The following VANGL2 variants were observed in gnomAD, a reference collection of about 807,000 sequenced individuals.
The protein encoded by VANGL2 is VANGL planar cell polarity protein 2, also known as vang-like protein 2.
VANGL2 carries 14 observed loss-of-function variants against 50.2 expected under a neutral mutation model. The observed-to-expected ratio is 0.28, with a 90% CI of 0.18 to 0.44. The LOEUF is 0.44. Ranked by LOEUF, VANGL2 falls within the 20% of genes least tolerant of loss-of-function variation. The pLI is 1.00. For missense variants in VANGL2, 533 were observed against 701.5 expected, an observed-to-expected ratio of 0.76 and a Z score of 2.71; for synonymous variants, 295 against 297.2, an observed-to-expected ratio of 0.99 and a Z score of 0.08.
At position 160,409,178 on chromosome 1, in the gene VANGL2, A is replaced by T. The variant is rs149252536; in HGVS notation, c.-190-6470A>T. ...TGCAGTTGTGGCTACTCAAGGAACC[A>T]GTGTCCAGAGCAGTCTCATGGAGAA... On this transcript the variant is annotated intron_variant, in intron 1 of 7. Transcript: ENST00000368061. 4.1e-4 allele frequency among the ~76,000 whole-genome samples: 62 copies of T among 152,336 alleles called. No individual in the cohort carries two copies. The East Asian group carries it at 0.012, about 28-fold the overall frequency.
At chr1:160,418,966 C>A in intron 3 of VANGL2, 36 bp from the exon 4 acceptor site, 1 of 1,583,712 alleles carries the variant, frequency 6.3e-7, no homozygotes, top group Non-Finnish European at 8.6e-7. Context: ...TTATCCTTTC[C>A]TCCTTATTGT....
At chr1:160,403,575 C>T (rs1230902745) in intron 1 of VANGL2, among the ~76,000 whole-genome samples, 3 of 152,168 alleles carry the variant, frequency 2.0e-5, no homozygotes, top group African/African-American at 7.2e-5. Flanking sequence ...ATCTGGTTTC[C>T]AGGTCCTTCC....
intron 1 of VANGL2, among the ~76,000 whole-genome samples, chr1:160,415,095 G>C (rs1651009313): frequency 6.6e-6 from 1 of 152,124 alleles, no homozygotes; most frequent in Non-Finnish European, 1.5e-5. Context: ...GATCTTACCG[G>C]TAACACTGGG....
At chr1:160,405,038 C>A (rs1052005156) in intron 1 of VANGL2, among the ~76,000 whole-genome samples, 1 of 152,064 alleles carries the variant, frequency 6.6e-6, no homozygotes, top group Non-Finnish European at 1.5e-5. Context: ...GGTATTATTG[C>A]CTCTTCTCAG....
At chr1:160,403,044 T>C (rs971624895) in intron 1 of VANGL2, among the ~76,000 whole-genome samples, 2 of 152,056 alleles carry the variant, frequency 1.3e-5, no homozygotes, top group African/African-American at 2.4e-5. Flanking sequence ...TCCTCAGGGC[T>C]CCCTACCCTC....
At position 160,425,313 on chromosome 1, in the gene VANGL2, G is replaced by A. The variant is rs368563984; in HGVS notation, c.1501G>A (p.Glu501Lys). ...TKKVPFFKLS[E>K]EFVDPKSHKF... Reference sequence around the variant, plus strand: ...GAAGGTCCCATTCTTCAAACTCTCCGAGGAATTTGTGGATCCCAAGTCACA... The same window carrying A: ...GAAGGTCCCATTCTTCAAACTCTCCAAGGAATTTGTGGATCCCAAGTCACA... The change falls in exon 8 of 8, where the codon GAG becomes AAG. Residue 501 changes from glutamate (E) to lysine (K), a missense_variant. Glu to Lys is a moderately conservative substitution (Grantham distance 56). Coordinates refer to ENST00000368061, the MANE Select transcript of VANGL2 (RefSeq NM_020335.3). The A allele has an allele frequency of 5.0e-6, 8 of 1,612,668 alleles. No individual in the cohort carries two copies. The highest frequency in any genetic ancestry group is 1.1e-5 in the South Asian group (1 of 91,050).
intron 1 of VANGL2, among the ~76,000 whole-genome samples, chr1:160,402,581 CA>C (rs1357649900): frequency 3.9e-5 from 6 of 152,072 alleles, no homozygotes; most frequent in Non-Finnish European, 7.4e-5. Context: ...TGTGGTTTAT[CA>C]GACCAAAAAG....
Position 160,425,379 on chromosome 1 carries a change from CTG to C in VANGL2, c.*4_*5del. 1 of 1,457,946 alleles carries C rather than the reference CTG, an allele frequency of 6.9e-7. No homozygotes were observed. 90.3% of individuals were successfully genotyped at this position (1,457,946 alleles called of 1,614,324 possible). ...GCTGCAGTCTGAGACCTCAGTGTGA[CTG>C]TGCAACAGCAGGGGGAGTGGGAAAC... On this transcript the variant is annotated 3_prime_UTR_variant, in exon 8 of 8. Transcript: ENST00000368061.
intron 5 of VANGL2, among the ~76,000 whole-genome samples, 155 bp downstream of exon 5, chr1:160,420,702 G>T (rs1245407280): frequency 6.6e-6 from 1 of 152,172 alleles, no homozygotes; most frequent in Non-Finnish European, 1.5e-5. Context: ...CCAGGTGGCT[G>T]ATCTTAGCTG....
chr1:160,405,141 G>T (rs1445664511), intron 1 of VANGL2, among the ~76,000 whole-genome samples: 1 of 152,068 alleles, frequency 6.6e-6, no homozygotes, highest in East Asian at 1.9e-4. Context: ...CATCCTTGTG[G>T]GGAGCCATCT....
rs1007264085 is a variant in VANGL2, at chr1:160,427,856, C to T, written c.*2478C>T. The T allele has an allele frequency of 6.5e-6, 1 of 152,746 alleles. No homozygotes were observed. The highest frequency in any genetic ancestry group is 1.5e-5 in the Non-Finnish European group (1 of 68,176). 9.5% of individuals were successfully genotyped at this position (152,746 alleles called of 1,614,324 possible). ...CTCACCAGCACTGTCTTTTGTGTGACTCATGGCATCCTCGTTCATCCCCAC... is the reference window on the plus strand; with the variant it reads ...CTCACCAGCACTGTCTTTTGTGTGATTCATGGCATCCTCGTTCATCCCCAC... On this transcript the variant is annotated 3_prime_UTR_variant, in exon 8 of 8. Coordinates refer to ENST00000368061, the MANE Select transcript of VANGL2 (RefSeq NM_020335.3).
intron 3 of VANGL2, among the ~76,000 whole-genome samples, chr1:160,418,604 C>G (rs559036797): frequency 1.8e-3 from 280 of 152,278 alleles, no homozygotes; most frequent in Middle Eastern, 6.8e-3. Context: ...AGCTCAGGTC[C>G]CACGGTTTCT....
At chr1:160,411,210 G>A (rs534935531) in intron 1 of VANGL2, among the ~76,000 whole-genome samples, 1 of 152,074 alleles carries the variant, frequency 6.6e-6, no homozygotes, top group East Asian at 1.9e-4. Context: ...AGGGGACTGA[G>A]TGTGTGTGTT....
chr1:160,421,598 C>G (rs1651277593), intron 6 of VANGL2, among the ~76,000 whole-genome samples: 1 of 152,198 alleles, frequency 6.6e-6, no homozygotes, highest in Non-Finnish European at 1.5e-5. Context: ...CTGCCACCAG[C>G]TGGAGATAAT....
chr1:160,426,006 C>A lies in VANGL2; in HGVS notation c.*628C>A, dbSNP rs1189956047. 1 of 152,246 alleles carries A rather than the reference C, an allele frequency of 6.6e-6. No homozygotes were observed. Among genetic ancestry groups the A allele is most frequent in the African/African-American group, 2.4e-5 (1 of 41,438 alleles). The allele number at this position is 152,246 out of a possible 1,614,324, so 9.4% of individuals were successfully genotyped here. A position where few individuals can be genotyped will look rare whatever the true frequency, so the allele number is the denominator to read the frequency against. ...ATTTAGAGCAAAGAAGGATCCCATC[C>A]TTTTCCCAGAAATCTCCACCTAATG... On this transcript the variant is annotated 3_prime_UTR_variant, in exon 8 of 8. Transcript: ENST00000368061.
chr1:160,406,548 C>G (rs1650665782), intron 1 of VANGL2, among the ~76,000 whole-genome samples: 1 of 152,108 alleles, frequency 6.6e-6, no homozygotes, highest in Non-Finnish European at 1.5e-5. Flanking sequence ...ACTGTAGGCT[C>G]CGGCCACCAT....
rs762776843 is a variant in VANGL2 at position 160,416,120 on chromosome 1, G to T, written c.130G>T (p.Val44Leu). ...AGATGGGGGCCGAGGGGACAAGTCG[G>T]TGACAATCCAGGCTCCCGGGGAGCC... ...SRDGGRGDKS[V>L]TIQAPGEPLL... The change falls in exon 3 of 8, where the codon GTG (valine) becomes TTG (leucine). Residue 44 changes from valine to leucine, a missense_variant. Transcript: ENST00000368061. The T allele has an allele frequency of 1.2e-5, 19 of 1,614,122 alleles. No individual in the cohort carries two copies. The highest frequency in any genetic ancestry group is 2.7e-5 in the African/African-American group (2 of 74,948).
intron 6 of VANGL2, among the ~76,000 whole-genome samples, chr1:160,423,253 T>C (rs1293147214): frequency 6.6e-6 from 1 of 152,136 alleles, no homozygotes; most frequent in African/African-American, 2.4e-5. Context: ...TGCTTCCTCC[T>C]TAACACTGTG....
rs1197533506 is a variant in VANGL2 at position 160,416,169 on chromosome 1, G to A, written c.179G>A (p.Arg60Gln). ...GEPLLDNEST[R>Q]GDERDDNWGE... ...CCCCTGCTGGACAATGAGTCCACAC[G>A]AGGGGATGAGCGGGTGAGCACTGGG... The change falls in exon 3 of 8, where the codon CGA becomes CAA. Residue 60 changes from arginine to glutamine, a missense_variant. Physicochemically the swap from Arg to Gln is conservative, Grantham distance 43 (BLOSUM62 1). Transcript: ENST00000368061. 5 of 1,614,112 alleles carry A rather than the reference G, an allele frequency of 3.1e-6. No individual in the cohort carries two copies. The Admixed American group carries it at 5.0e-5, about 16-fold the overall frequency.
Sources: allele counts gnomAD v4.1 joint callset (sites outside exome capture counted in the v4.1 genomes callset), GRCh38; gene constraint gnomAD v4.1.1; transcripts MANE v1.5; gene names NCBI Gene and HGNC (gene_info 2026-07-23, HGNC 2026-07-21).